NSMCE2: variants seen among roughly 807,000 people sequenced by gnomAD.
NSMCE2 encodes the protein E3 SUMO-protein ligase NSE2.
Under a neutral mutation model 23.8 loss-of-function variants are expected in NSMCE2, and 24 were observed. That is an observed-to-expected ratio of 1.01 (90% CI 0.73 to 1.42). The LOEUF is 1.42. Among genes scored for constraint, NSMCE2 ranks in the 40% most tolerant of loss-of-function variants. The probability of loss-of-function intolerance (pLI) is 0.00; values close to 1 mark genes in which losing one functional copy is unlikely to be tolerated. For synonymous variants in NSMCE2, 92 were observed against 94.1 expected, an observed-to-expected ratio of 0.98 and a Z score of 0.13; for missense variants, 284 against 296.5, an observed-to-expected ratio of 0.96 and a Z score of 0.31.
At chr8:125,216,964 G>A (rs1467733928) in intron 5 of NSMCE2, among the ~76,000 whole-genome samples, 2 of 152,192 alleles carry the variant, frequency 1.3e-5, no homozygotes, top group Non-Finnish European at 2.9e-5. Context: ...CAGAGCTTTA[G>A]AATGCATTGG....
chr8:125,285,746 T>G (rs1044133026), intron 5 of NSMCE2, among the ~76,000 whole-genome samples: 4 of 73,188 alleles, frequency 5.5e-5, no homozygotes, highest in African/African-American at 2.1e-4. Flanking sequence ...TAAGAATTCT[T>G]CATACACACG....
intron 3 of NSMCE2, among the ~76,000 whole-genome samples, chr8:125,139,684 A>G (rs753266560): frequency 1.1e-4 from 17 of 151,834 alleles, no homozygotes; most frequent in Non-Finnish European, 2.2e-4. Context: ...ATTACCTCCC[A>G]CTGGGTCTTT....
intron 5 of NSMCE2, among the ~76,000 whole-genome samples, chr8:125,247,082 C>G (rs1042157243): frequency 3.3e-5 from 5 of 151,446 alleles, no homozygotes; most frequent in African/African-American, 1.2e-4. Context: ...AATTCTAGCA[C>G]TTTGGGAGGC....
chr8:125,321,492 T>C (rs1829458392), intron 5 of NSMCE2, among the ~76,000 whole-genome samples: 1 of 152,130 alleles, frequency 6.6e-6, no homozygotes, highest in Non-Finnish European at 1.5e-5. Context: ...CTACAGAAAC[T>C]CTGACAGAAA....
chr8:125,141,717 A>G (rs1010915107), intron 3 of NSMCE2, among the ~76,000 whole-genome samples: 2 of 151,922 alleles, frequency 1.3e-5, no homozygotes, highest in African/African-American at 4.8e-5. Context: ...GAGAGGAGTG[A>G]GGCATTTGTT....
intron 5 of NSMCE2, among the ~76,000 whole-genome samples, chr8:125,230,037 T>C (rs1047362777): frequency 2.6e-5 from 4 of 152,200 alleles, no homozygotes; most frequent in African/African-American, 7.2e-5. Flanking sequence ...ATTTTGAAAA[T>C]GTTAAAGAAA....
chr8:125,357,469 T>A, intron 6 of NSMCE2, 150 bp downstream of exon 6: 1 of 671,744 alleles, frequency 1.5e-6, no homozygotes, highest in Admixed American at 2.7e-5. Context: ...CCACGGGAGG[T>A]TCTTGGGCTG....
chr8:125,333,802 C>T (rs901891239), intron 5 of NSMCE2, among the ~76,000 whole-genome samples: 13 of 152,070 alleles, frequency 8.5e-5, no homozygotes, highest in African/African-American at 2.2e-4. Flanking sequence ...CGTGAGCCAC[C>T]GCGCCCGGCC....
At chr8:125,248,733 C>T (rs10099782) in intron 5 of NSMCE2, among the ~76,000 whole-genome samples, 3,734 of 152,276 alleles carry the variant, frequency 0.025, 147 homozygotes, top group African/African-American at 0.085. Flanking sequence ...GACTCACTAA[C>T]ATTTTTCAAG....
chr8:125,226,743 G>A (rs1428676946), intron 5 of NSMCE2, among the ~76,000 whole-genome samples: 1 of 152,114 alleles, frequency 6.6e-6, no homozygotes, highest in Non-Finnish European at 1.5e-5. Context: ...GTAGAAGCAG[G>A]GAAGTAAGCA....
At chr8:125,096,112 A>G (rs756067148) in intron 1 of NSMCE2, among the ~76,000 whole-genome samples, 17 of 152,160 alleles carry the variant, frequency 1.1e-4, no homozygotes, top group Non-Finnish European at 1.9e-4. Context: ...GTAATTCTCT[A>G]TCATCAGCAT....
chr8:125,302,797 C>T (rs530688032), intron 5 of NSMCE2, among the ~76,000 whole-genome samples: 2 of 152,198 alleles, frequency 1.3e-5, no homozygotes, highest in East Asian at 3.9e-4. Context: ...ATGTGTTTGC[C>T]ATCACATTGC....
At chr8:125,241,265 A>G (rs1324491399) in intron 5 of NSMCE2, among the ~76,000 whole-genome samples, 2 of 152,222 alleles carry the variant, frequency 1.3e-5, no homozygotes, top group Admixed American at 6.5e-5. Flanking sequence ...GATGCTTACT[A>G]TGTGCCAGAA....
chr8:125,171,946 G>C (rs774555674), intron 4 of NSMCE2, among the ~76,000 whole-genome samples: 1 of 152,216 alleles, frequency 6.6e-6, no homozygotes, highest in Non-Finnish European at 1.5e-5. Context: ...GAGGAACTCA[G>C]TGTTTAATTT....
chr8:125,232,240 G>A (rs1380562973), intron 5 of NSMCE2, among the ~76,000 whole-genome samples: 2 of 152,082 alleles, frequency 1.3e-5, no homozygotes, highest in African/African-American at 2.4e-5. Context: ...GTGCATGCCT[G>A]TAATCGCAGC....
At chr8:125,317,042 C>T (rs1829238032) in intron 5 of NSMCE2, among the ~76,000 whole-genome samples, 1 of 151,788 alleles carries the variant, frequency 6.6e-6, no homozygotes, top group Non-Finnish European at 1.5e-5. Context: ...CCTGCCTTGG[C>T]CTCCCAAAGT....
chr8:125,310,128 TG>T (rs1280056820), intron 5 of NSMCE2, among the ~76,000 whole-genome samples: 1 of 152,156 alleles, frequency 6.6e-6, no homozygotes, highest in African/African-American at 2.4e-5. Flanking sequence ...TTTGTGTAAC[TG>T]GCAGGATGAA....
chr8:125,220,943 A>G (rs748163772), intron 5 of NSMCE2, among the ~76,000 whole-genome samples: 25 of 152,140 alleles, frequency 1.6e-4, no homozygotes, highest in Admixed American at 7.2e-4. Context: ...GCTTTCTCTA[A>G]CTTGGGCCCT....
At chr8:125,152,025 C>A (rs1290332753) in intron 4 of NSMCE2, among the ~76,000 whole-genome samples, 1 of 152,118 alleles carries the variant, frequency 6.6e-6, no homozygotes, top group Non-Finnish European at 1.5e-5. Flanking sequence ...TTCCAAAAAT[C>A]AAATATTTTA....
Sources: gnomAD v4.1 joint callset for allele counts (sites outside exome capture counted in the v4.1 genomes callset) on GRCh38, gnomAD v4.1.1 for gene constraint, MANE v1.5 for transcripts, NCBI Gene and HGNC (gene_info 2026-07-23, HGNC 2026-07-21) for gene names.